The following ME1 variants were observed in gnomAD, a reference collection of about 807,000 sequenced individuals.
ME1 encodes the protein NADP-dependent malic enzyme.
ME1 carries 74 observed loss-of-function variants against 66.4 expected under a neutral mutation model. The ratio of observed to expected loss-of-function variants is 1.11; its 90% CI spans 0.92 to 1.35. The LOEUF is 1.35. ME1 is among the 40% of genes most tolerant of loss of function. The pLI, the probability that ME1 is intolerant of heterozygous loss-of-function variation, is 0.00. For synonymous variants in ME1, 251 were observed against 235.6 expected (o/e 1.07, Z -0.60); for missense variants, 750 against 694.1 (o/e 1.08, Z -0.90).
chr6:83,212,230 C>T, intron 13 of ME1, 136 bp from the exon 14 acceptor site: 1 of 508,996 alleles, frequency 2.0e-6, no homozygotes, highest in South Asian at 5.1e-5. Context: ...ATAATAAAAG[C>T]ACATATAAGC....
At chr6:83,274,996 G>C (rs138282061) in intron 6 of ME1, among the ~76,000 whole-genome samples, 69 of 152,276 alleles carry the variant, frequency 4.5e-4, no homozygotes, top group African/African-American at 1.6e-3. Context: ...AGTGAAATTA[G>C]ATGTGACTAG....
intron 6 of ME1, among the ~76,000 whole-genome samples, chr6:83,280,583 T>C (rs1168727390): frequency 1.3e-5 from 2 of 152,222 alleles, no homozygotes; most frequent in Non-Finnish European, 2.9e-5. Flanking sequence ...CTGCTAAACT[T>C]CTCTTTTGGA....
chr6:83,381,447 G>A (rs546829025), intron 3 of ME1, among the ~76,000 whole-genome samples: 1 of 151,480 alleles, frequency 6.6e-6, no homozygotes, highest in Non-Finnish European at 1.5e-5. Flanking sequence ...CCAGGCTGGA[G>A]TGCAGTGGTG....
intron 13 of ME1, among the ~76,000 whole-genome samples, chr6:83,213,352 A>T (rs1251653718): frequency 1.4e-5 from 2 of 147,488 alleles, no homozygotes; most frequent in Admixed American, 6.8e-5. Context: ...TGAACCCGGG[A>T]GGCAGAGGTT....
intron 7 of ME1, among the ~76,000 whole-genome samples, chr6:83,248,424 T>C (rs562109563): frequency 6.2e-4 from 94 of 152,252 alleles, no homozygotes; most frequent in African/African-American, 2.1e-3. Context: ...AAAGCATGTG[T>C]TTGTAGCGCC....
intron 3 of ME1, among the ~76,000 whole-genome samples, chr6:83,373,368 T>C (rs1583406104): frequency 1.3e-5 from 2 of 152,234 alleles, no homozygotes; most frequent in South Asian, 4.1e-4. Flanking sequence ...CCCCAGTAGC[T>C]GGGACTACAG....
chr6:83,381,823 C>A (rs1769405434), intron 3 of ME1, among the ~76,000 whole-genome samples: 1 of 152,040 alleles, frequency 6.6e-6, no homozygotes, highest in Admixed American at 6.6e-5. Flanking sequence ...CACATGGCAG[C>A]CAGAGTAATC....
intron 2 of ME1, among the ~76,000 whole-genome samples, chr6:83,402,394 T>G (rs1416392304): frequency 6.6e-6 from 1 of 152,178 alleles, no homozygotes; most frequent in Non-Finnish European, 1.5e-5. Context: ...CCCCTGTGAC[T>G]TTATGCTCTG....
In ME1 at chr6:83,310,710, A is replaced by G. The variant is rs192418811; in HGVS notation, c.704+4600T>C. ...GAATGATATTTCAGATGTTTGAGAA[A>G]TATGAGAGAAGTAGAGTAACTATAA... On this transcript the variant is annotated intron_variant, in intron 6 of 13. Transcript: ENST00000369705. Among the ~76,000 whole-genome samples the G allele has an allele frequency of 5.1e-4, 77 of 152,276 alleles. 1 individual carries two copies. Among genetic ancestry groups the G allele is most frequent in the African/African-American group, 1.7e-3 (71 of 41,560 alleles).
chr6:83,306,786 C>T (rs1274044697), intron 6 of ME1, among the ~76,000 whole-genome samples: 1 of 151,998 alleles, frequency 6.6e-6, no homozygotes, highest in Non-Finnish European at 1.5e-5. Context: ...CAGAAAAAAG[C>T]AATCCCTTGA....
intron 6 of ME1, among the ~76,000 whole-genome samples, chr6:83,267,617 A>G (rs574744772): frequency 8.7e-4 from 132 of 152,282 alleles, no homozygotes; most frequent in African/African-American, 3.0e-3. Context: ...TCTAGATAGG[A>G]GTATTTTGGT....
At chr6:83,244,396 G>C (rs570986503) in intron 7 of ME1, among the ~76,000 whole-genome samples, 1 of 152,158 alleles carries the variant, frequency 6.6e-6, no homozygotes, top group Non-Finnish European at 1.5e-5. Flanking sequence ...AGAATGCAAA[G>C]TGATATGAGG....
At chr6:83,325,847 C>T (rs186300740) in intron 5 of ME1, among the ~76,000 whole-genome samples, 2 of 147,690 alleles carry the variant, frequency 1.4e-5, no homozygotes, top group East Asian at 2.0e-4. Flanking sequence ...ACCTCCTTCA[C>T]AGAATTAGAA....
At chr6:83,218,120 G>T (rs1156680166) in intron 12 of ME1, among the ~76,000 whole-genome samples, 2 of 151,804 alleles carry the variant, frequency 1.3e-5, no homozygotes. Flanking sequence ...TGGTCATCAG[G>T]GTCCCAAACT....
intron 7 of ME1, among the ~76,000 whole-genome samples, chr6:83,241,454 C>A (rs931800956): frequency 2.2e-4 from 34 of 152,038 alleles, no homozygotes; most frequent in Non-Finnish European, 3.8e-4. Flanking sequence ...TCTAAAATAT[C>A]CTATTTGGTA....
At chr6:83,404,447 G>C (rs1013139014) in intron 2 of ME1, among the ~76,000 whole-genome samples, 6 of 151,782 alleles carry the variant, frequency 4.0e-5, no homozygotes, top group African/African-American at 1.5e-4. Flanking sequence ...CAATTCTATA[G>C]GGTGCCTGTT....
chr6:83,322,114 CA>C (rs1768189773), intron 5 of ME1, among the ~76,000 whole-genome samples: 1 of 152,140 alleles, frequency 6.6e-6, no homozygotes, highest in Non-Finnish European at 1.5e-5. Flanking sequence ...TGAACATCAA[CA>C]AAAAGGACAA....
chr6:83,213,993 G>A (rs1789946956), intron 13 of ME1, among the ~76,000 whole-genome samples: 1 of 151,954 alleles, frequency 6.6e-6, no homozygotes, highest in East Asian at 1.9e-4. Context: ...CCCATAATAT[G>A]GTAGTATTAC....
At chr6:83,373,885 T>A (rs1216227326) in intron 3 of ME1, among the ~76,000 whole-genome samples, 2 of 152,190 alleles carry the variant, frequency 1.3e-5, no homozygotes, top group African/African-American at 2.4e-5. Flanking sequence ...CTGTGTTAGT[T>A]TGCTGAGGAT....
Sources: gnomAD v4.1 joint callset for allele counts (sites outside exome capture counted in the v4.1 genomes callset) on GRCh38, gnomAD v4.1.1 for gene constraint, MANE v1.5 for transcripts, NCBI Gene and HGNC (gene_info 2026-07-23, HGNC 2026-07-21) for gene names.